The following AUH variants were observed in gnomAD, a reference collection of about 807,000 sequenced individuals.
AUH encodes the protein methylglutaconyl-CoA hydratase, mitochondrial.
A neutral mutation model predicts 42.3 loss-of-function variants in AUH; 29 were observed. That is an observed-to-expected ratio of 0.69 (90% CI 0.51 to 0.93). The LOEUF (loss-of-function observed/expected upper bound fraction) is 0.93, where lower values mean the gene tolerates loss of function less well. Ranked by LOEUF, AUH falls within the 40% of genes least tolerant of loss-of-function variation. The probability of loss-of-function intolerance (pLI) is 0.00; values close to 1 mark genes in which losing one functional copy is unlikely to be tolerated. For synonymous variants in AUH, 174 were observed against 166.4 expected (o/e 1.05, Z -0.35); for missense variants, 452 against 438.1 (o/e 1.03, Z -0.28).
intron 3 of AUH, among the ~76,000 whole-genome samples, chr9:91,350,576 T>C (rs961020714): frequency 4.6e-5 from 7 of 152,080 alleles, no homozygotes; most frequent in Non-Finnish European, 2.9e-5. Flanking sequence ...CTGGCCAACA[T>C]GGTGAAACCC....
intron 3 of AUH, among the ~76,000 whole-genome samples, chr9:91,355,029 A>G (rs1204574712): frequency 2.6e-5 from 4 of 152,198 alleles, no homozygotes; most frequent in African/African-American, 7.2e-5. Flanking sequence ...TCTGTACTGC[A>G]TAACACCATA....
chr9:91,276,079 T>C (rs1291099480), intron 6 of AUH, among the ~76,000 whole-genome samples: 3 of 152,108 alleles, frequency 2.0e-5, no homozygotes, highest in African/African-American at 7.2e-5. Context: ...TTCCTTTACG[T>C]ACCCCATAAG....
At chr9:91,265,071 A>C (rs1008443191) in intron 6 of AUH, among the ~76,000 whole-genome samples, 2 of 151,902 alleles carry the variant, frequency 1.3e-5, no homozygotes, top group African/African-American at 4.9e-5. Flanking sequence ...GAAATTTCAC[A>C]AATACACACC....
intron 3 of AUH, among the ~76,000 whole-genome samples, chr9:91,354,027 G>T (rs1832214423): frequency 6.6e-6 from 1 of 151,792 alleles, no homozygotes; most frequent in Non-Finnish European, 1.5e-5. Context: ...ATTTAGCCAG[G>T]CGTGGTGGCG....
chr9:91,360,467 C>G (rs1832764411), intron 1 of AUH: 2 of 152,220 alleles, frequency 1.3e-5, no homozygotes, highest in African/African-American at 4.8e-5. Flanking sequence ...GGAATAAAGT[C>G]ATTCATCACA....
At chr9:91,300,992 C>T (rs943969329) in intron 4 of AUH, among the ~76,000 whole-genome samples, 7 of 152,380 alleles carry the variant, frequency 4.6e-5, no homozygotes, top group East Asian at 1.9e-4. Context: ...TACTCAATAA[C>T]GTTCTTACTA....
rs762077402 is a variant in AUH, at chr9:91,298,022, C to T, written c.560G>A (p.Gly187Asp). 1.9e-6 allele frequency: 3 copies of T among 1,613,828 alleles called. No homozygotes were observed. Among genetic ancestry groups the T allele is most frequent in the Non-Finnish European group, 2.5e-6 (3 of 1,179,848 alleles). The stretch of plus-strand genomic sequence containing the variant: ...ATCACAGGCTAAAGCCAGTTCAAGA[C>T]CACCACCTAAAGCGAGTCCATCTAT... ...AAIDGLALGGGLELALACDIR... is the reference protein window; with the variant it reads ...AAIDGLALGGDLELALACDIR... The change falls in exon 5 of 10, where the codon GGT becomes GAT. Residue 187 changes from glycine (G) to aspartate (D), a missense_variant. Gly to Asp is a moderately conservative substitution (Grantham distance 94). Coordinates refer to ENST00000375731, the MANE Select transcript of AUH (RefSeq NM_001698.3).
intron 6 of AUH, among the ~76,000 whole-genome samples, chr9:91,240,607 C>T (rs2131337240): frequency 6.6e-6 from 1 of 152,058 alleles, no homozygotes; most frequent in Non-Finnish European, 1.5e-5. Context: ...AGTCACTAGC[C>T]ACATGTGGCT....
chr9:91,271,870 C>T (rs535581521), intron 6 of AUH, among the ~76,000 whole-genome samples: 2 of 152,224 alleles, frequency 1.3e-5, no homozygotes, highest in African/African-American at 4.8e-5. Context: ...TTAGTATAGA[C>T]GGAGTTTCAA....
In AUH at chr9:91,279,006, AG is replaced by A. The variant is rs1825757935; in HGVS notation, c.655+17014del. Among the ~76,000 whole-genome samples, 5 of 152,316 alleles carry A rather than the reference AG, an allele frequency of 3.3e-5. No individual in the cohort carries two copies. The South Asian group carries it at 1.0e-3, about 32-fold the overall frequency. ...CAGTGGTGGCATGAAAAAACTTTTA[AG>A]AGTTTTTTCTCTTCTTCATTATCTT... On this transcript the variant is annotated intron_variant, in intron 6 of 9. Transcript: ENST00000375731.
chr9:91,303,359 C>T (rs1564081663), intron 4 of AUH, among the ~76,000 whole-genome samples: 1 of 151,950 alleles, frequency 6.6e-6, no homozygotes, highest in East Asian at 1.9e-4. Flanking sequence ...AACGGAGTCT[C>T]TTGCTCTGTC....
At chr9:91,236,200 G>T (rs1408428754) in intron 6 of AUH, among the ~76,000 whole-genome samples, 1 of 145,210 alleles carries the variant, frequency 6.9e-6, no homozygotes, top group Non-Finnish European at 1.5e-5. Context: ...ATCAGGAGAT[G>T]AGTTAGCATG....
intron 6 of AUH, among the ~76,000 whole-genome samples, chr9:91,256,916 C>T (rs1829432468): frequency 6.6e-6 from 1 of 152,082 alleles, no homozygotes. Context: ...ATTCAGCGGA[C>T]AAAAATAACA....
intron 3 of AUH, among the ~76,000 whole-genome samples, chr9:91,328,350 A>G (rs1474133855): frequency 6.6e-6 from 1 of 152,248 alleles, no homozygotes; most frequent in Non-Finnish European, 1.5e-5. Flanking sequence ...TCATCAGACC[A>G]ATTCCTCCAT....
chr9:91,256,432 G>A (rs888709489), intron 6 of AUH, among the ~76,000 whole-genome samples: 1 of 152,038 alleles, frequency 6.6e-6, no homozygotes, highest in African/African-American at 2.4e-5. Flanking sequence ...CTCATGAAGA[G>A]CACCTGGCAT....
intron 6 of AUH, among the ~76,000 whole-genome samples, chr9:91,262,885 T>C (rs936797414): frequency 6.6e-6 from 1 of 152,118 alleles, no homozygotes; most frequent in African/African-American, 2.4e-5. Flanking sequence ...TAGTAGAAAT[T>C]TGCTTGGGGA....
intron 3 of AUH, among the ~76,000 whole-genome samples, chr9:91,345,239 A>G (rs1831407250): frequency 6.6e-6 from 1 of 152,194 alleles, no homozygotes; most frequent in Admixed American, 6.5e-5. Flanking sequence ...CAGATAGGAA[A>G]GGAAGAAGTA....
At chr9:91,257,803 G>C (rs1587708263) in intron 6 of AUH, among the ~76,000 whole-genome samples, 1 of 152,158 alleles carries the variant, frequency 6.6e-6, no homozygotes, top group African/African-American at 2.4e-5. Context: ...AAAAATCGCT[G>C]TAAGTATATT....
At chr9:91,336,179 CTATTT>C (rs1265130505) in intron 3 of AUH, among the ~76,000 whole-genome samples, 5 of 152,130 alleles carry the variant, frequency 3.3e-5, no homozygotes, top group Admixed American at 2.6e-4. Context: ...ACCCACGTTG[CTATTT>C]TATATTTTCC....
Sources: gnomAD v4.1 joint callset for allele counts (sites outside exome capture counted in the v4.1 genomes callset) on GRCh38, gnomAD v4.1.1 for gene constraint, MANE v1.5 for transcripts, NCBI Gene and HGNC (gene_info 2026-07-23, HGNC 2026-07-21) for gene names.